PKHD1: variants seen among roughly 807,000 people sequenced by gnomAD.
The protein encoded by PKHD1 is fibrocystin.
Under a neutral mutation model 412.0 loss-of-function variants are expected in PKHD1, and 291 were observed. That is an observed-to-expected ratio of 0.71 (90% CI 0.64 to 0.78). The LOEUF (loss-of-function observed/expected upper bound fraction) is 0.78. Among genes scored for constraint, PKHD1 ranks in the 30% least tolerant of loss-of-function variants. PKHD1 has a pLI of 0.00. For synonymous variants in PKHD1, 1,777 were observed against 1,821.5 expected (o/e 0.98, Z 0.62); for missense variants, 4,825 against 4,950.7 (o/e 0.97, Z 0.76).
chr6:51,931,539 G>GA (rs1221796933), intron 37 of PKHD1, among the ~76,000 whole-genome samples: 1 of 152,200 alleles, frequency 6.6e-6, no homozygotes, highest in Non-Finnish European at 1.5e-5. Flanking sequence ...AGTGACAGGA[G>GA]AGAATTGATG....
chr6:51,753,049 G>A, intron 57 of PKHD1, 152 bp downstream of exon 57: 1 of 682,944 alleles, frequency 1.5e-6, no homozygotes, highest in Non-Finnish European at 2.5e-6. Context: ...CACAGATTAG[G>A]ACTGAAAATT....
intron 45 of PKHD1, among the ~76,000 whole-genome samples, chr6:51,884,778 CAG>C (rs1220495201): frequency 6.6e-6 from 1 of 152,106 alleles, no homozygotes; most frequent in African/African-American, 2.4e-5. Context: ...AGCAGGGAGA[CAG>C]AGTTTAAGCC....
In PKHD1 at chr6:51,949,873, G is replaced by C. The variant is rs186668092; in HGVS notation, c.5908+9997C>G. 1.3e-3 allele frequency among the ~76,000 whole-genome samples: 197 copies of C among 152,174 alleles called. 3 individuals are homozygous for C. The highest frequency in any genetic ancestry group is 4.6e-3 in the African/African-American group (189 of 41,522). On this transcript the variant is annotated intron_variant, in intron 36 of 66. Transcript: ENST00000371117. ...CCTGGGATGGAGCCACACACACACA[G>C]AAGCAGAGGCTGCTGCTGCTGCTGT...
chr6:51,794,719 GT>G (rs1794322189), intron 52 of PKHD1, among the ~76,000 whole-genome samples: 1 of 152,112 alleles, frequency 6.6e-6, no homozygotes, highest in South Asian at 2.1e-4. Flanking sequence ...AAGGGGCCTA[GT>G]TTCAGTTTTT....
chr6:52,010,323 C>T lies in PKHD1; in HGVS notation c.5737G>A (p.Gly1913Ser). The change falls in exon 35 of 67, where the codon GGC (glycine) becomes AGC (serine). Residue 1913 changes from glycine (G) to serine (S), a missense_variant. By Grantham distance (56) the Gly-to-Ser change is moderately conservative (BLOSUM62 0). Transcript: ENST00000371117. The part of the protein sequence containing the change: ...VKITEIRKRW[G>S]QNTQGNFSLQ... Reference sequence around the variant, plus strand: ...TTTGATTATACCTGAGTGTTCTGGCCCCAGCGTTTCCGTATCTCAGTAATC... The same window carrying T: ...TTTGATTATACCTGAGTGTTCTGGCTCCAGCGTTTCCGTATCTCAGTAATC... 1 of 1,613,600 alleles carries T rather than the reference C, an allele frequency of 6.2e-7. No homozygotes were observed. Among genetic ancestry groups the T allele is most frequent in the Non-Finnish European group, 8.5e-7 (1 of 1,179,792 alleles).
intron 55 of PKHD1, among the ~76,000 whole-genome samples, chr6:51,772,312 T>C (rs1204774801): frequency 1.9e-5 from 2 of 102,706 alleles, no homozygotes; most frequent in Admixed American, 9.0e-5. Flanking sequence ...ATATACTTCA[T>C]ATGTTTCATC....
At position 52,058,432 on chromosome 6, in the gene PKHD1, C is replaced by A. The variant is rs765645325; in HGVS notation, c.1403G>T (p.Arg468Met). 3.1e-6 allele frequency: 5 copies of A among 1,614,068 alleles called. No individual in the cohort carries two copies. The highest frequency in any genetic ancestry group is 4.2e-6 in the Non-Finnish European group (5 of 1,180,030). ...HHGIAPSRGMRIGVQIHNTWL... is the reference protein window; with the variant it reads ...HHGIAPSRGMMIGVQIHNTWL... Reference sequence around the variant, plus strand: ...GGTGTTGTGAATCTGGACACCAATCCTCATCCCCCTGCTTGGGGCTATCCC... The same window carrying A: ...GGTGTTGTGAATCTGGACACCAATCATCATCCCCCTGCTTGGGGCTATCCC... Residue 468 changes from arginine (R) to methionine (M), a missense_variant, in exon 16 of 67, where the codon AGG becomes ATG. Coordinates refer to ENST00000371117, the MANE Select transcript of PKHD1 (RefSeq NM_138694.4).
chr6:51,795,448 A>T (rs1278568751), intron 52 of PKHD1, among the ~76,000 whole-genome samples: 1 of 152,198 alleles, frequency 6.6e-6, no homozygotes, highest in East Asian at 1.9e-4. Context: ...AGGGTTTTCA[A>T]GCTATAGGAT....
At chr6:51,984,793 A>C (rs1468991970) in intron 35 of PKHD1, among the ~76,000 whole-genome samples, 1 of 152,258 alleles carries the variant, frequency 6.6e-6, no homozygotes, top group Non-Finnish European at 1.5e-5. Flanking sequence ...TACAAAGAAA[A>C]GGAAGTTCAG....
Position 51,616,820 on chromosome 6 carries a change from GGAA to G in PKHD1, c.*2258_*2260del. 1 of 395,748 alleles carries G rather than the reference GGAA, an allele frequency of 2.5e-6. No individual in the cohort carries two copies. Among genetic ancestry groups the G allele is most frequent in the Non-Finnish European group, 4.5e-6 (1 of 224,230 alleles). 24.5% of individuals were successfully genotyped at this position (395,748 alleles called of 1,614,324 possible). A position where few individuals can be genotyped will look rare whatever the true frequency, so the allele number is the denominator to read the frequency against. ...GATAAATAAGAAGATAATAAAAATTGGAAGAAGGGTAAAGAAGGGGCAGAAATA... is the reference window on the plus strand; with the variant it reads ...GATAAATAAGAAGATAATAAAAATTGGAAGGGTAAAGAAGGGGCAGAAATA... On this transcript the variant is annotated 3_prime_UTR_variant, in exon 67 of 67. Coordinates refer to ENST00000371117, the MANE Select transcript of PKHD1 (RefSeq NM_138694.4).
chr6:51,719,611 T>C (rs1199509980), intron 60 of PKHD1, among the ~76,000 whole-genome samples: 1 of 152,190 alleles, frequency 6.6e-6, no homozygotes, highest in Admixed American at 6.5e-5. Flanking sequence ...GGAGAGGTTT[T>C]ATGAGACCCC....
At chr6:51,663,439 T>G (rs1773191860) in intron 60 of PKHD1, among the ~76,000 whole-genome samples, 3 of 152,240 alleles carry the variant, frequency 2.0e-5, no homozygotes, top group South Asian at 4.1e-4. Context: ...TGATTCTCAA[T>G]CATTCTCTGC....
intron 65 of PKHD1, among the ~76,000 whole-genome samples, chr6:51,630,468 T>A (rs1402066547): frequency 6.6e-6 from 1 of 152,218 alleles, no homozygotes; most frequent in Non-Finnish European, 1.5e-5. Context: ...AAATGTTATG[T>A]TTACATGCAA....
At chr6:51,668,717 C>A (rs1774324633) in intron 60 of PKHD1, among the ~76,000 whole-genome samples, 1 of 152,136 alleles carries the variant, frequency 6.6e-6, no homozygotes, top group East Asian at 1.9e-4. Flanking sequence ...TGAGATACGT[C>A]CCATCAATAC....
chr6:52,049,168 T>C (rs1223092089), intron 22 of PKHD1, among the ~76,000 whole-genome samples: 2 of 152,192 alleles, frequency 1.3e-5, no homozygotes, highest in African/African-American at 2.4e-5. Flanking sequence ...CATCATGCAG[T>C]TTACTTACAC....
chr6:52,027,972 G>A (rs1244437598), intron 30 of PKHD1, 76 bp from the exon 31 acceptor site: 5 of 1,248,506 alleles, frequency 4.0e-6, no homozygotes, highest in African/African-American at 1.5e-5. Context: ...AGAGCCATAT[G>A]TATTTTGAGG....
At chr6:51,904,864 C>G (rs778189255) in intron 41 of PKHD1, among the ~76,000 whole-genome samples, 1 of 152,136 alleles carries the variant, frequency 6.6e-6, no homozygotes, top group Non-Finnish European at 1.5e-5. Flanking sequence ...TTCCCTTGCA[C>G]GGACAAACAT....
intron 43 of PKHD1, among the ~76,000 whole-genome samples, chr6:51,899,887 T>A (rs929075416): frequency 4.6e-5 from 7 of 150,924 alleles, no homozygotes; most frequent in Admixed American, 1.3e-4. Flanking sequence ...ACAAACAGAG[T>A]GCCAAATCAT....
At chr6:51,624,722 A>G (rs925245017) in intron 66 of PKHD1, among the ~76,000 whole-genome samples, 1 of 152,198 alleles carries the variant, frequency 6.6e-6, no homozygotes, top group Admixed American at 6.5e-5. Flanking sequence ...ACTGACACCA[A>G]TTCACTTATT....
Sources: gnomAD v4.1 joint callset for allele counts (sites outside exome capture counted in the v4.1 genomes callset) on GRCh38, gnomAD v4.1.1 for gene constraint, MANE v1.5 for transcripts, NCBI Gene and HGNC (gene_info 2026-07-23, HGNC 2026-07-21) for gene names.